The following OAS2 variants were observed in gnomAD, a reference collection of about 807,000 sequenced individuals.
The protein encoded by OAS2 is 2'-5'-oligoadenylate synthetase 2.
Under a neutral mutation model 71.3 loss-of-function variants are expected in OAS2, and 67 were observed. The observed-to-expected ratio is 0.94, with a 90% confidence interval of 0.77 to 1.15. The LOEUF (loss-of-function observed/expected upper bound fraction) is 1.15, where lower values mean the gene tolerates loss of function less well. OAS2 is among the 50% of genes most tolerant of loss of function. The pLI is 0.00. For missense variants in OAS2, 789 were observed against 822.5 expected, an observed-to-expected ratio of 0.96 and a Z score of 0.50; for synonymous variants, 327 against 321.8, an observed-to-expected ratio of 1.02 and a Z score of -0.17.
intron 2 of OAS2, among the ~76,000 whole-genome samples, chr12:112,991,572 G>A (rs2044193340): frequency 6.6e-6 from 1 of 152,242 alleles, no homozygotes; most frequent in Non-Finnish European, 1.5e-5. Flanking sequence ...AAAGTGGGGA[G>A]AGGGCTTCCA....
intron 7 of OAS2, among the ~76,000 whole-genome samples, 190 bp from the exon 8 acceptor site, chr12:113,006,223 T>C (rs540762142): frequency 3.9e-5 from 6 of 152,388 alleles, no homozygotes; most frequent in African/African-American, 1.4e-4. Flanking sequence ...TGCACCTGTG[T>C]AGACCACATA....
chr12:113,008,967 T>G (rs976302180), intron 9 of OAS2, 120 bp from the exon 10 acceptor site: 5 of 1,482,498 alleles, frequency 3.4e-6, no homozygotes, highest in Non-Finnish European at 4.5e-6. Context: ...AAATTTGAGT[T>G]GCTGACATCT....
In OAS2 at chr12:113,009,094, A is replaced by T; in HGVS notation, c.1903A>T (p.Ile635Phe). 1 of 1,613,256 alleles carries T rather than the reference A, an allele frequency of 6.2e-7. No homozygotes were observed. Among genetic ancestry groups the T allele is most frequent in the African/African-American group, 1.3e-5 (1 of 74,968 alleles). Residue 635 changes from isoleucine to phenylalanine, a missense_variant, in exon 10 of 10, where the codon ATC becomes TTC. Physicochemically the swap from Ile to Phe is conservative, Grantham distance 21 (BLOSUM62 0). Transcript: ENST00000392583. ...TTCTAACCTCTCATTCAGGCCTGTG[A>T]TCTTGGACCCAGCCGAACCCACAGG... ...LSQLQKTRPV[I>F]LDPAEPTGDV... is the part of the protein sequence containing the mutation.
chr12:113,007,484 A>G (rs2044344412), intron 8 of OAS2, among the ~76,000 whole-genome samples: 1 of 152,186 alleles, frequency 6.6e-6, no homozygotes, highest in Non-Finnish European at 1.5e-5. Flanking sequence ...TAGCTATGTT[A>G]TTGTCCTAGG....
intron 2 of OAS2, among the ~76,000 whole-genome samples, chr12:112,989,040 C>T (rs576548812): frequency 1.6e-4 from 25 of 152,282 alleles, no homozygotes; most frequent in Non-Finnish European, 2.2e-4. Flanking sequence ...TGGTTGTATA[C>T]GTGGTATGGT....
At chr12:113,008,721 G>A (rs1202648967) in intron 9 of OAS2, among the ~76,000 whole-genome samples, 2 of 152,166 alleles carry the variant, frequency 1.3e-5, no homozygotes, top group Admixed American at 1.3e-4. Context: ...TGCCTCCCGG[G>A]TTCAAGCTGG....
chr12:113,000,662 TCA>T (rs1226719013), intron 5 of OAS2, among the ~76,000 whole-genome samples: 9 of 144,338 alleles, frequency 6.2e-5, no homozygotes, highest in South Asian at 4.5e-4. Context: ...ACACATGCAC[TCA>T]CACACATGCA....
chr12:113,000,675 C>G (rs2044277904), intron 5 of OAS2, among the ~76,000 whole-genome samples: 1 of 150,916 alleles, frequency 6.6e-6, no homozygotes, highest in South Asian at 2.1e-4. Flanking sequence ...CACACATGCA[C>G]ACATGCACTC....
chr12:112,994,926 T>A (rs1344428031), intron 2 of OAS2, among the ~76,000 whole-genome samples: 1 of 152,208 alleles, frequency 6.6e-6, no homozygotes, highest in Non-Finnish European at 1.5e-5. Flanking sequence ...TAAACTTTCC[T>A]TTCTTCCAGA....
At position 113,004,959 on chromosome 12, in the gene OAS2, C is replaced by T; in HGVS notation, c.1205C>T (p.Ala402Val). ...GGAGGATCAACCGCCAAAGGCACAG[C>T]TCTGAAGACTGGCTCTGATGCCGAT... is the stretch of plus-strand genomic sequence containing the variant. ...VRGGSTAKGTALKTGSDADLV... is the reference protein window; with the variant it reads ...VRGGSTAKGTVLKTGSDADLV... The change falls in exon 7 of 10, where the codon GCT (alanine) becomes GTT (valine). Residue 402 changes from alanine (A) to valine (V), a missense_variant. By Grantham distance (64) the Ala-to-Val change is moderately conservative (BLOSUM62 0). Coordinates refer to ENST00000392583, the MANE Select transcript of OAS2 (RefSeq NM_002535.3). 6.2e-7 allele frequency: 1 copy of T among 1,614,168 alleles called. No individual in the cohort carries two copies. The highest frequency in any genetic ancestry group is 8.5e-7 in the Non-Finnish European group (1 of 1,180,010).
rs918391469 is a variant in OAS2, at chr12:112,993,424, A to G, written c.449-1872A>G. ...ATAAAAGGCTTAGAGTAAACACACCATAAACGTTAGCTATTTATTATCATT... is the reference window on the plus strand; with the variant it reads ...ATAAAAGGCTTAGAGTAAACACACCGTAAACGTTAGCTATTTATTATCATT... On this transcript the variant is annotated intron_variant, in intron 2 of 9. Transcript: ENST00000392583. Among the ~76,000 whole-genome samples, 42 of 152,240 alleles carry G rather than the reference A, an allele frequency of 2.8e-4. 1 individual carries two copies. Among genetic ancestry groups the G allele is most frequent in the Non-Finnish European group, 2.9e-5 (2 of 68,042 alleles).
Position 112,985,436 on chromosome 12 carries a change from G to A in OAS2, c.178-1602G>A, listed in dbSNP as rs1271196670. Among the ~76,000 whole-genome samples the A allele has an allele frequency of 3.3e-5, 5 of 152,068 alleles. No individual in the cohort carries two copies. In the South Asian group the frequency reaches 6.2e-4, roughly 19 times the overall value. ...TTTCTTCTCCTTGACCTAGTCTATT[G>A]TTAAAGCAGTGAGTTGTATTTTTAT... On this transcript the variant is annotated intron_variant, in intron 1 of 9. Transcript: ENST00000392583.
intron 1 of OAS2, among the ~76,000 whole-genome samples, chr12:112,984,655 C>T (rs926579898): frequency 7.9e-5 from 12 of 152,142 alleles, no homozygotes; most frequent in African/African-American, 2.9e-4. Flanking sequence ...TTTTCTTTCT[C>T]TTTATTGCCT....
At chr12:112,999,171 A>G (rs138674854) in intron 5 of OAS2, among the ~76,000 whole-genome samples, 2 of 152,352 alleles carry the variant, frequency 1.3e-5, no homozygotes, top group South Asian at 2.1e-4. Context: ...GCCGGGGGCA[A>G]CAGTCAGAAG....
chr12:113,006,999 T>A (rs182256428), intron 8 of OAS2, among the ~76,000 whole-genome samples: 2 of 152,292 alleles, frequency 1.3e-5, no homozygotes, highest in Non-Finnish European at 2.9e-5. Context: ...GCATTTTCTA[T>A]ACACCCAGCT....
intron 2 of OAS2, chr12:112,988,386 T>A: frequency 3.0e-6 from 1 of 336,884 alleles, no homozygotes; most frequent in Non-Finnish European, 4.2e-6. Context: ...GAAAATGATG[T>A]ACTGAAAATG....
Position 113,007,835 on chromosome 12 carries a change from T to A in OAS2, c.1787T>A (p.Leu596Gln). Residue 596 changes from leucine to glutamine, a missense_variant, in exon 9 of 10, where the codon CTG becomes CAG. Leu to Gln is a moderately radical substitution (Grantham distance 113, BLOSUM62 -2). Coordinates refer to ENST00000392583, the MANE Select transcript of OAS2 (RefSeq NM_002535.3). ...FDTAEGFRTVLELVTQYQQLC... is the reference protein window; with the variant it reads ...FDTAEGFRTVQELVTQYQQLC... ...ACTGCAGAAGGTTTCCGGACAGTCC[T>A]GGAGCTGGTCACACAATATCAGCAG... 1.2e-6 allele frequency: 2 copies of A among 1,614,196 alleles called. No homozygotes were observed. The highest frequency in any genetic ancestry group is 1.7e-6 in the Non-Finnish European group (2 of 1,180,016).
At chr12:113,005,677 G>A (rs2044325283) in intron 7 of OAS2, among the ~76,000 whole-genome samples, 1 of 151,006 alleles carries the variant, frequency 6.6e-6, no homozygotes, top group Non-Finnish European at 1.5e-5. Flanking sequence ...GACCAGCCTG[G>A]GCAACATAGT....
intron 5 of OAS2, among the ~76,000 whole-genome samples, chr12:113,001,863 CAAAAAAAAAAA>C (rs71086131): frequency 2.7e-4 from 6 of 21,868 alleles, no homozygotes; most frequent in African/African-American, 1.4e-3. Context: ...CCCATCTCTA[CAAAAAAAAAAA>C]AAAAAAAAAA....
Sources: allele counts gnomAD v4.1 joint callset (sites outside exome capture counted in the v4.1 genomes callset), GRCh38; gene constraint gnomAD v4.1.1; transcripts MANE v1.5; gene names NCBI Gene and HGNC (gene_info 2026-07-23, HGNC 2026-07-21).